The following PCDHA4 variants were observed in gnomAD, a reference collection of about 807,000 sequenced individuals.
PCDHA4 encodes protocadherin alpha-4.
Under a neutral mutation model 61.4 loss-of-function variants are expected in PCDHA4, and 49 were observed. The ratio of observed to expected loss-of-function variants is 0.80; its 90% confidence interval spans 0.63 to 1.01. PCDHA4 has a LOEUF of 1.01. PCDHA4 is among the 50% of genes least tolerant of loss of function. PCDHA4 has a pLI of 0.00. For synonymous variants in PCDHA4, 590 were observed against 550.3 expected (o/e 1.07, Z -1.01); for missense variants, 1,254 against 1,235.8 (o/e 1.01, Z -0.22).
chr5:140,824,329 A>T (rs1581809489), intron 1 of PCDHA4: 1 of 658,076 alleles, frequency 1.5e-6, no homozygotes, highest in African/African-American at 1.8e-5. Context: ...TTTCTGTGAT[A>T]TTAAGTGTTT....
At chr5:141,003,368 G>C (rs2098121009) in intron 3 of PCDHA4, among the ~76,000 whole-genome samples, 1 of 152,190 alleles carries the variant, frequency 6.6e-6, no homozygotes, top group Non-Finnish European at 1.5e-5. Flanking sequence ...CTGGAGTGCA[G>C]TGGTGCAATC....
At chr5:140,921,704 A>T (rs1465184855) in intron 1 of PCDHA4, among the ~76,000 whole-genome samples, 8 of 152,234 alleles carry the variant, frequency 5.3e-5, no homozygotes, top group African/African-American at 1.9e-4. Flanking sequence ...AATTTTAAAC[A>T]GTAAACACAC....
intron 3 of PCDHA4, among the ~76,000 whole-genome samples, chr5:141,000,510 C>G (rs1197965439): frequency 5.6e-5 from 8 of 143,864 alleles, no homozygotes; most frequent in South Asian, 4.5e-4. Context: ...TCACTGCAAC[C>G]TCCTTCTCCA....
chr5:140,823,817 C>T, intron 1 of PCDHA4: 1 of 1,613,782 alleles, frequency 6.2e-7, no homozygotes, highest in Non-Finnish European at 8.5e-7. Context: ...TCATCGCGGG[C>T]GTCGGCGGGC....
intron 1 of PCDHA4, among the ~76,000 whole-genome samples, chr5:140,910,560 G>A (rs1369178001): frequency 6.6e-6 from 1 of 152,160 alleles, no homozygotes; most frequent in East Asian, 1.9e-4. Flanking sequence ...ATTAGTCAAG[G>A]ATATATTTTC....
chr5:140,835,998 G>A lies in PCDHA4; in HGVS notation c.2385+26426G>A, dbSNP rs2150249955. On this transcript the variant is annotated intron_variant, in intron 1 of 3. Transcript: ENST00000530339. The stretch of plus-strand genomic sequence containing the variant: ...GTTGCAGTTCCAGGTGAGCGCGCGC[G>A]ATGCGGGCGTGCCGCCTCTGGGCAG... 5.0e-6 allele frequency: 8 copies of A among 1,613,264 alleles called. No individual in the cohort carries two copies. The highest frequency in any genetic ancestry group is 1.1e-5 in the South Asian group (1 of 91,076).
intron 3 of PCDHA4, among the ~76,000 whole-genome samples, chr5:140,989,866 T>G (rs2097364293): frequency 6.6e-6 from 1 of 152,012 alleles, no homozygotes; most frequent in South Asian, 2.1e-4. Flanking sequence ...GGAATCTTTC[T>G]CTGCCTCAGC....
chr5:140,828,210 A>G (rs200919454), intron 1 of PCDHA4: 5 of 1,613,938 alleles, frequency 3.1e-6, no homozygotes, highest in Non-Finnish European at 3.4e-6. Flanking sequence ...GAGGAGGCCA[A>G]ACACGGCACC....
intron 1 of PCDHA4, chr5:140,841,899 A>G (rs1362176056): frequency 1.9e-6 from 3 of 1,613,740 alleles, no homozygotes; most frequent in Non-Finnish European, 2.5e-6. Context: ...AAACTGGTTG[A>G]GCTCGTATTA....
At chr5:140,876,437 C>T (rs1554168557) in intron 1 of PCDHA4, 1 of 1,613,906 alleles carries the variant, frequency 6.2e-7, no homozygotes, top group Non-Finnish European at 8.5e-7. Context: ...CAGGTTAACG[C>T]CATTGATAAA....
intron 1 of PCDHA4, among the ~76,000 whole-genome samples, chr5:140,964,685 A>G (rs1209867922): frequency 1.3e-5 from 2 of 152,036 alleles, no homozygotes; most frequent in African/African-American, 4.8e-5. Context: ...CAATTTGTGC[A>G]CTTGAGAGAT....
chr5:140,911,979 A>G (rs1583809781), intron 1 of PCDHA4, among the ~76,000 whole-genome samples: 2 of 152,328 alleles, frequency 1.3e-5, no homozygotes, highest in African/African-American at 4.8e-5. Flanking sequence ...AACTCACATG[A>G]TCACAAGGTC....
chr5:140,936,235 GA>G (rs1358431789), intron 1 of PCDHA4, among the ~76,000 whole-genome samples: 2 of 152,076 alleles, frequency 1.3e-5, no homozygotes, highest in African/African-American at 4.8e-5. Context: ...TCCTTTTAAA[GA>G]AAACATATCC....
intron 1 of PCDHA4, chr5:140,877,684 A>G (rs1247391418): frequency 1.9e-6 from 3 of 1,613,650 alleles, no homozygotes; most frequent in Non-Finnish European, 2.5e-6. Flanking sequence ...GGGCAAGCCC[A>G]CGCTGGTGTG....
chr5:140,881,319 T>C lies in PCDHA4; in HGVS notation c.2385+71747T>C, dbSNP rs183772489. Reference sequence around the variant, plus strand: ...AAACTTTAACCTCCTGGTTAAATTCTATTTAACCAGGACGCCGATTCGGGC... The same window carrying C: ...AAACTTTAACCTCCTGGTTAAATTCCATTTAACCAGGACGCCGATTCGGGC... On this transcript the variant is annotated intron_variant, in intron 1 of 3. Transcript: ENST00000530339. 1.0e-4 allele frequency: 101 copies of C among 979,186 alleles called. No individual in the cohort carries two copies. The African/African-American group carries it at 1.7e-3, about 17-fold the overall frequency. 60.7% of individuals were successfully genotyped at this position (979,186 alleles called of 1,614,324 possible).
chr5:140,881,121 C>G (rs1456322924), intron 1 of PCDHA4, among the ~76,000 whole-genome samples: 4 of 152,122 alleles, frequency 2.6e-5, no homozygotes, highest in Non-Finnish European at 4.4e-5. Flanking sequence ...GATTTTGTGG[C>G]TTGGTAGAGA....
chr5:140,849,616 T>C (rs2150442441), intron 1 of PCDHA4: 3 of 1,598,578 alleles, frequency 1.9e-6, no homozygotes, highest in African/African-American at 2.7e-5. Flanking sequence ...CTGATTAGTG[T>C]GATCGACCTA....
intron 1 of PCDHA4, chr5:140,927,106 A>G: frequency 6.2e-7 from 1 of 1,613,678 alleles, no homozygotes; most frequent in Non-Finnish European, 8.5e-7. Context: ...GGATCTACCC[A>G]GCGGCAATTT....
At chr5:140,851,161 T>C in intron 1 of PCDHA4, 1 of 1,297,820 alleles carries the variant, frequency 7.7e-7, no homozygotes, top group East Asian at 2.8e-5. Flanking sequence ...TCTGATGCTA[T>C]GCTGCCATAA....
Sources: gnomAD v4.1 joint callset for allele counts (sites outside exome capture counted in the v4.1 genomes callset) on GRCh38, gnomAD v4.1.1 for gene constraint, MANE v1.5 for transcripts, NCBI Gene and HGNC (gene_info 2026-07-23, HGNC 2026-07-21) for gene names.